Variants in PLAC1 observed in about 807,000 individuals in gnomAD.
The protein encoded by PLAC1 is placenta associated 1, also known as placenta-specific protein 1.
For missense variants in PLAC1, 136 were observed against 163.2 expected (o/e 0.83, Z 0.91); for synonymous variants, 68 against 62.1 (o/e 1.09, Z -0.44).
intron 2 of PLAC1, among the ~76,000 whole-genome samples, chrX:134,716,879 T>G (rs1042962986): frequency 2.7e-5 from 3 of 112,599 alleles, no homozygotes; most frequent in African/African-American, 9.7e-5. Flanking sequence ...TTGGCCTTGG[T>G]TCCTTGTCTG....
At chrX:134,635,829 C>T (rs16993096) in intron 1 of PLAC1, among the ~76,000 whole-genome samples, 2 of 111,821 alleles carry the variant, frequency 1.8e-5, no homozygotes, top group Admixed American at 1.9e-4. Flanking sequence ...GATTTGAAAG[C>T]CCGTTCTTTA....
At chrX:134,637,205 C>T (rs755256027) in intron 1 of PLAC1, among the ~76,000 whole-genome samples, 10 of 111,527 alleles carry the variant, frequency 9.0e-5, no homozygotes, top group Non-Finnish European at 9.4e-5. Flanking sequence ...GGAAAGCAGC[C>T]GCTGCACCCA....
intron 1 of PLAC1, among the ~76,000 whole-genome samples, chrX:134,608,716 G>A (rs375552096): frequency 5.2e-5 from 5 of 96,568 alleles, no homozygotes; most frequent in East Asian, 3.1e-4. Context: ...TTGCTCTGTC[G>A]CCAGGCTGGA....
chrX:134,692,591 G>A (rs935078160), intron 2 of PLAC1, among the ~76,000 whole-genome samples: 1 of 111,988 alleles, frequency 8.9e-6, no homozygotes, highest in Non-Finnish European at 1.9e-5. Flanking sequence ...CTATAACCCT[G>A]TCCACCTTTC....
At chrX:134,593,066 C>A (rs1180973977) in intron 2 of PLAC1, among the ~76,000 whole-genome samples, 1 of 111,501 alleles carries the variant, frequency 9.0e-6, no homozygotes, top group Non-Finnish European at 1.9e-5. Flanking sequence ...CCCCCCAACA[C>A]ACACACATCC....
intron 1 of PLAC1, among the ~76,000 whole-genome samples, chrX:134,615,395 C>T (rs1483867588): frequency 4.5e-5 from 5 of 112,245 alleles, no homozygotes; most frequent in African/African-American, 1.3e-4. Flanking sequence ...AATGTCTATT[C>T]AGATCCTTTG....
intron 2 of PLAC1, among the ~76,000 whole-genome samples, chrX:134,726,416 C>T (rs774650863): frequency 1.1e-4 from 12 of 111,835 alleles, no homozygotes; most frequent in African/African-American, 3.6e-4. Flanking sequence ...CCCTTATAAT[C>T]GGGACCTGTT....
intron 1 of PLAC1, among the ~76,000 whole-genome samples, chrX:134,614,155 A>G (rs2078167870): frequency 9.0e-6 from 1 of 110,597 alleles, no homozygotes; most frequent in South Asian, 3.9e-4. Context: ...TCCCTTTGCT[A>G]CAGTCTCACA....
chrX:134,710,396 G>A (rs779152068), intron 2 of PLAC1, among the ~76,000 whole-genome samples: 1 of 111,882 alleles, frequency 8.9e-6, no homozygotes, highest in African/African-American at 3.2e-5. Context: ...CCACATTGGA[G>A]AGCAACCTGC....
chrX:134,570,518 G>C (rs2077902875), intron 2 of PLAC1, among the ~76,000 whole-genome samples: 1 of 111,428 alleles, frequency 9.0e-6, no homozygotes, highest in Non-Finnish European at 1.9e-5. Context: ...CAGCTTCTTG[G>C]GGAGGCCTCT....
chrX:134,612,068 C>G (rs2078156726), intron 1 of PLAC1, among the ~76,000 whole-genome samples: 1 of 112,608 alleles, frequency 8.9e-6, no homozygotes, highest in African/African-American at 3.2e-5. Context: ...TGTATATCTT[C>G]CTCCTTGCAA....
rs56675396 is a variant in PLAC1 at position 134,687,815 on chromosome X, CATATATATATATATATATATAT to C, written n.174+45598_174+45619del. Among the ~76,000 whole-genome samples the C allele has an allele frequency of 5.0e-3, 155 of 31,141 alleles. 2 individuals carry two copies. The highest frequency in any genetic ancestry group is 0.041 in the South Asian group (10 of 243). The allele number at this position is 31,141 out of a possible 115,157, so 27.0% of individuals were successfully genotyped here. A position where few individuals can be genotyped will look rare whatever the true frequency, so the allele number is the denominator to read the frequency against. On this transcript the variant is annotated intron_variant and non_coding_transcript_variant, in intron 2 of 2. Coordinates refer to the PLAC1 transcript ENST00000466797. ...TAAGTTTGTTTTAGGACTGAGATAA[CATATATATATATATATATATAT>C]ATATATATATATATATATATATATA...
intron 1 of PLAC1, among the ~76,000 whole-genome samples, chrX:134,743,872 G>A (rs1254469903): frequency 1.8e-5 from 2 of 112,634 alleles, no homozygotes; most frequent in African/African-American, 3.2e-5. Context: ...TGGTTGTGAC[G>A]AAAGTTTTTG....
At chrX:134,628,642 C>T (rs1448661113) in intron 1 of PLAC1, among the ~76,000 whole-genome samples, 1 of 112,029 alleles carries the variant, frequency 8.9e-6, no homozygotes, top group Non-Finnish European at 1.9e-5. Flanking sequence ...AAAGGGCATG[C>T]CAGTTTGGTG....
At chrX:134,661,556 G>T (rs1319814049), upstream of PLAC1, among the ~76,000 whole-genome samples, 1 of 112,397 alleles carries the variant, frequency 8.9e-6, no homozygotes, top group Non-Finnish European at 1.9e-5. Context: ...CCACACTACA[G>T]TAGTTCCTTT....
chrX:134,581,379 G>A (rs1009800467), intron 2 of PLAC1, among the ~76,000 whole-genome samples: 3 of 109,960 alleles, frequency 2.7e-5, no homozygotes, highest in African/African-American at 6.6e-5. Context: ...GGGTGAAAGC[G>A]CCCTTCATTC....
intron 2 of PLAC1, among the ~76,000 whole-genome samples, chrX:134,577,790 G>A (rs1260148690): frequency 1.0e-5 from 1 of 98,610 alleles, no homozygotes; most frequent in Non-Finnish European, 2.1e-5. Flanking sequence ...TGTGTGTAGT[G>A]GAGGGATAGA....
intron 1 of PLAC1, among the ~76,000 whole-genome samples, chrX:134,735,957 T>TAAAAAAA (rs766171376): frequency 1.3e-4 from 11 of 83,974 alleles, no homozygotes; most frequent in African/African-American, 4.8e-4. Flanking sequence ...CTGTCTACCT[T>TAAAAAAA]AAAAAAAAAA....
intron 2 of PLAC1, among the ~76,000 whole-genome samples, chrX:134,581,447 A>G (rs1427668277): frequency 1.9e-5 from 2 of 107,187 alleles, no homozygotes; most frequent in Non-Finnish European, 3.8e-5. Context: ...ATTTCCCCCC[A>G]ATAATACCAT....
Sources: gnomAD v4.1 joint callset for allele counts (sites outside exome capture counted in the v4.1 genomes callset) on GRCh38, gnomAD v4.1.1 for gene constraint, MANE v1.5 for transcripts, NCBI Gene and HGNC (gene_info 2026-07-23, HGNC 2026-07-21) for gene names.